AP3B1: variants seen among roughly 807,000 people sequenced by gnomAD.
AP3B1 encodes adaptor related protein complex 3 subunit beta 1.
In AP3B1, 61 loss-of-function variants were observed where a neutral mutation model predicts 132.5. The ratio of observed to expected loss-of-function variants is 0.46; its 90% CI spans 0.37 to 0.57. The LOEUF is 0.57. Among genes scored for constraint, AP3B1 ranks in the 20% least tolerant of loss-of-function variants. AP3B1 has a pLI of 0.00. For missense variants in AP3B1, 1,120 were observed against 1,289.4 expected, an observed-to-expected ratio of 0.87 and a Z score of 2.01; for synonymous variants, 388 against 438.3, an observed-to-expected ratio of 0.89 and a Z score of 1.43.
At chr5:78,150,134 A>C (rs948263057) in intron 14 of AP3B1, among the ~76,000 whole-genome samples, 2 of 152,200 alleles carry the variant, frequency 1.3e-5, no homozygotes, top group African/African-American at 4.8e-5. Flanking sequence ...TCTTCAAAAA[A>C]GGAAATAATA....
Position 78,065,914 on chromosome 5 carries a change from G to C in AP3B1, c.2577+23479C>G, listed in dbSNP as rs138337003. Among the ~76,000 whole-genome samples the C allele has an allele frequency of 4.8e-3, 735 of 152,254 alleles. 12 individuals are homozygous for C. The highest frequency in any genetic ancestry group is 3.9e-3 in the Non-Finnish European group (265 of 68,000). On this transcript the variant is annotated intron_variant, in intron 22 of 26. Coordinates refer to ENST00000255194, the MANE Select transcript of AP3B1 (RefSeq NM_003664.5). ...AGACACCTTACACAGGAGCATTCCT[G>C]CTGGCATCAGATTGGTGCCCCTTTG...
intron 2 of AP3B1, among the ~76,000 whole-genome samples, chr5:78,254,357 G>A (rs1274032901): frequency 6.6e-6 from 1 of 152,070 alleles, no homozygotes; most frequent in Non-Finnish European, 1.5e-5. Context: ...TCAAGTACAA[G>A]AAGGTTATAG....
intron 2 of AP3B1, among the ~76,000 whole-genome samples, chr5:78,261,042 G>A (rs890424673): frequency 1.3e-5 from 2 of 152,122 alleles, no homozygotes; most frequent in Admixed American, 1.3e-4. Flanking sequence ...TCCACCTATT[G>A]GCTTCTATAA....
rs1753133185 is a variant in AP3B1 at position 78,141,224 on chromosome 5, T to C, written c.1569A>G (p.Lys523=). The stretch of plus-strand genomic sequence containing the variant: ...CCAGATCATCTTCACTAGTGAAGCT[T>C]TTAGCCATCTTCCTCAAAACATCAG... ...IAPDVLRKMA[K]SFTSEDDLVK... Residue 523 remains lysine, a synonymous_variant, in exon 15 of 27, where the codon AAA becomes AAG. Transcript: ENST00000255194. The C allele has an allele frequency of 6.2e-7, 1 of 1,613,722 alleles. No individual in the cohort carries two copies. Among genetic ancestry groups the C allele is most frequent in the Non-Finnish European group, 8.5e-7 (1 of 1,179,660 alleles).
chr5:78,194,257 TTTC>T (rs1744992797), intron 7 of AP3B1, among the ~76,000 whole-genome samples: 1 of 152,186 alleles, frequency 6.6e-6, no homozygotes, highest in African/African-American at 2.4e-5. Context: ...GATATTCTGA[TTTC>T]TTGTTATACA....
At chr5:78,109,050 G>A (rs973032034) in intron 20 of AP3B1, among the ~76,000 whole-genome samples, 2 of 152,038 alleles carry the variant, frequency 1.3e-5, no homozygotes, top group Non-Finnish European at 2.9e-5. Flanking sequence ...GTAATTTGAT[G>A]TAAGTATGAA....
At chr5:78,008,285 C>G (rs1240216632) in intron 26 of AP3B1, among the ~76,000 whole-genome samples, 4 of 152,286 alleles carry the variant, frequency 2.6e-5, no homozygotes, top group South Asian at 2.1e-4. Context: ...GGAAAAGCAT[C>G]AAGAATACCT....
intron 6 of AP3B1, among the ~76,000 whole-genome samples, chr5:78,217,533 G>C (rs1433578369): frequency 2.6e-5 from 4 of 151,974 alleles, no homozygotes; most frequent in Non-Finnish European, 4.4e-5. Context: ...ATTTGTTATA[G>C]ATATGGCAAG....
At chr5:78,121,018 T>G (rs994050878) in intron 17 of AP3B1, among the ~76,000 whole-genome samples, 3 of 151,952 alleles carry the variant, frequency 2.0e-5, no homozygotes, top group Non-Finnish European at 4.4e-5. Flanking sequence ...GCAATCAAAC[T>G]AGAACTCAGG....
intron 25 of AP3B1, among the ~76,000 whole-genome samples, chr5:78,018,669 GTAA>G: frequency 7.6e-6 from 1 of 130,998 alleles, no homozygotes; most frequent in Non-Finnish European, 1.6e-5. Flanking sequence ...TAAAGCTGGT[GTAA>G]CACACACACA....
chr5:78,015,983 A>G (rs1204479510), intron 25 of AP3B1: 3 of 204,150 alleles, frequency 1.5e-5, no homozygotes, highest in Non-Finnish European at 2.9e-5. Flanking sequence ...GCTTGAGAAC[A>G]CATCAAAGTA....
At chr5:78,145,949 A>G (rs1259121694) in intron 14 of AP3B1, among the ~76,000 whole-genome samples, 1 of 152,198 alleles carries the variant, frequency 6.6e-6, no homozygotes, top group Non-Finnish European at 1.5e-5. Flanking sequence ...CATGCTCAAT[A>G]TTGACCCATT....
intron 2 of AP3B1, among the ~76,000 whole-genome samples, chr5:78,258,888 G>C (rs1212480714): frequency 6.6e-6 from 1 of 152,128 alleles, no homozygotes; most frequent in Non-Finnish European, 1.5e-5. Flanking sequence ...CCAGTCATTT[G>C]CAACAACATG....
rs181987151 is a variant in AP3B1, at chr5:78,038,354, C to T, written c.2809+689G>A. Among the ~76,000 whole-genome samples, 169 of 152,242 alleles carry T rather than the reference C, an allele frequency of 1.1e-3. 1 individual carries two copies. The highest frequency in any genetic ancestry group is 3.9e-3 in the African/African-American group (161 of 41,536). On this transcript the variant is annotated intron_variant, in intron 23 of 26. Transcript: ENST00000255194. ...GGAAGATAAGCAGACTAGTCTACAT[C>T]GGGGGTGTGCAATCTTTTGGCTTCC...
At chr5:78,208,633 AC>A (rs1580488170) in intron 7 of AP3B1, among the ~76,000 whole-genome samples, 1 of 152,260 alleles carries the variant, frequency 6.6e-6, no homozygotes, top group African/African-American at 2.4e-5. Flanking sequence ...GCATATAACT[AC>A]TCTGAACAAA....
At chr5:78,031,965 T>C (rs1403275614) in intron 24 of AP3B1, among the ~76,000 whole-genome samples, 1 of 152,210 alleles carries the variant, frequency 6.6e-6, no homozygotes, top group Admixed American at 6.5e-5. Context: ...CTGTGGGGGA[T>C]GAGGATCTGT....
intron 6 of AP3B1, among the ~76,000 whole-genome samples, chr5:78,218,256 A>G (rs114068245): frequency 0.03 from 4,551 of 152,188 alleles, 225 homozygotes; most frequent in African/African-American, 0.1. Flanking sequence ...TTAAAATTAA[A>G]TGATCTACTC....
chr5:78,076,503 C>T (rs1477826990), intron 22 of AP3B1, among the ~76,000 whole-genome samples: 2 of 152,150 alleles, frequency 1.3e-5, no homozygotes, highest in Non-Finnish European at 2.9e-5. Context: ...TGGGACCACA[C>T]CTGATAATTT....
At chr5:78,287,834 C>T (rs1749347121) in intron 1 of AP3B1, among the ~76,000 whole-genome samples, 1 of 150,160 alleles carries the variant, frequency 6.7e-6, no homozygotes, top group Admixed American at 6.6e-5. Context: ...ATCTAATGAC[C>T]ATAAATTTCA....
Sources: gnomAD v4.1 joint callset for allele counts (sites outside exome capture counted in the v4.1 genomes callset) on GRCh38, gnomAD v4.1.1 for gene constraint, MANE v1.5 for transcripts, NCBI Gene and HGNC (gene_info 2026-07-23, HGNC 2026-07-21) for gene names.